EPHA5: variants seen among roughly 807,000 people sequenced by gnomAD.
EPHA5 encodes EPH receptor A5.
EPHA5 carries 60 observed loss-of-function variants against 105.0 expected under a neutral mutation model. The observed-to-expected ratio is 0.57, with a 90% CI of 0.46 to 0.71. The LOEUF (loss-of-function observed/expected upper bound fraction) is 0.71. Among genes scored for constraint, EPHA5 ranks in the 30% least tolerant of loss-of-function variants. EPHA5 has a pLI of 0.00. For synonymous variants in EPHA5, 513 were observed against 449.1 expected (o/e 1.14, Z -1.80); for missense variants, 1,218 against 1,274.7 (o/e 0.96, Z 0.68).
intron 15 of EPHA5, among the ~76,000 whole-genome samples, chr4:65,334,185 T>A (rs982386127): frequency 6.6e-6 from 1 of 151,972 alleles, no homozygotes; most frequent in Admixed American, 6.6e-5. Context: ...ATTGGCTTCA[T>A]AAAGGCAAAT....
At chr4:65,391,025 G>GACGTTTTTC (rs1202707046) in intron 8 of EPHA5, among the ~76,000 whole-genome samples, 3 of 151,998 alleles carry the variant, frequency 2.0e-5, no homozygotes, top group Non-Finnish European at 4.4e-5. Context: ...GGAAGCAAGG[G>GACGTTTTTC]ACGTTTTTCA....
intron 5 of EPHA5, among the ~76,000 whole-genome samples, chr4:65,447,504 A>AT (rs1028192841): frequency 3.3e-5 from 5 of 150,452 alleles, no homozygotes; most frequent in Non-Finnish European, 5.9e-5. Context: ...TAATATATAT[A>AT]TTTTTTCCTA....
At chr4:65,461,151 A>G (rs1379477909) in intron 5 of EPHA5, among the ~76,000 whole-genome samples, 1 of 151,918 alleles carries the variant, frequency 6.6e-6, no homozygotes, top group African/African-American at 2.4e-5. Flanking sequence ...AGCAATTAGC[A>G]ATAAGAGAGT....
At chr4:65,644,850 C>T (rs1220779611) in intron 1 of EPHA5, among the ~76,000 whole-genome samples, 1 of 151,588 alleles carries the variant, frequency 6.6e-6, no homozygotes, top group Non-Finnish European at 1.5e-5. Flanking sequence ...TAAATATTAC[C>T]TATATATACA....
chr4:65,323,788 T>C lies in EPHA5; in HGVS notation c.*326A>G, dbSNP rs567808922. On this transcript the variant is annotated 3_prime_UTR_variant, in exon 17 of 17. Transcript: ENST00000613740. ...TGAAAGGGGTTGCCTTAATTCAGTC[T>C]ATAAAAGTGCTATATAATTATATAT... The C allele has an allele frequency of 2.1e-4, 50 of 239,650 alleles. 1 individual carries two copies. In the South Asian group the frequency reaches 7.3e-3, roughly 35 times the overall value. 14.8% of individuals were successfully genotyped at this position (239,650 alleles called of 1,614,324 possible). A position where few individuals can be genotyped will look rare whatever the true frequency, so the allele number is the denominator to read the frequency against.
At chr4:65,630,072 C>CTA (rs1197119690) in intron 2 of EPHA5, among the ~76,000 whole-genome samples, 7 of 66,396 alleles carry the variant, frequency 1.1e-4, no homozygotes, top group Admixed American at 3.8e-4. Flanking sequence ...CACACACTCT[C>CTA]TCTCTCTCTC....
At chr4:65,573,804 T>C in intron 3 of EPHA5, 6 of 1,613,680 alleles carry the variant, frequency 3.7e-6, no homozygotes, top group Non-Finnish European at 5.1e-6. Flanking sequence ...GCCTAGATAT[T>C]ATCCTACTGA....
intron 2 of EPHA5, among the ~76,000 whole-genome samples, chr4:65,610,906 A>T (rs1025632936): frequency 2.0e-5 from 3 of 152,160 alleles, no homozygotes; most frequent in African/African-American, 7.2e-5. Flanking sequence ...GTAGCCTCCC[A>T]CTATGTATTT....
intron 12 of EPHA5, among the ~76,000 whole-genome samples, 155 bp from the exon 13 acceptor site, chr4:65,351,753 A>G (rs1023901020): frequency 4.6e-5 from 7 of 152,080 alleles, no homozygotes; most frequent in African/African-American, 1.7e-4. Context: ...TAGGAAGTAT[A>G]TGGCTAACTT....
intron 8 of EPHA5, among the ~76,000 whole-genome samples, chr4:65,370,330 C>G (rs933427767): frequency 6.6e-6 from 1 of 152,052 alleles, no homozygotes; most frequent in East Asian, 1.9e-4. Flanking sequence ...TTCTTTTAGC[C>G]TTTAATATAT....
chr4:65,617,400 C>A lies in EPHA5; in HGVS notation c.247-15096G>T, dbSNP rs74568130. Among the ~76,000 whole-genome samples, 401 of 152,104 alleles carry A rather than the reference C, an allele frequency of 2.6e-3. 2 individuals are homozygous for A. Among genetic ancestry groups the A allele is most frequent in the African/African-American group, 9.2e-3 (381 of 41,510 alleles). ...TCTAGGGAACTGGATATATTTAATA[C>A]CTGTTGGCTGAATTTATGCATGTAA... On this transcript the variant is annotated intron_variant, in intron 2 of 16. Coordinates refer to ENST00000613740, the MANE Select transcript of EPHA5 (RefSeq NM_001281766.3).
At chr4:65,591,320 A>G (rs1249770788) in intron 3 of EPHA5, among the ~76,000 whole-genome samples, 8 of 152,088 alleles carry the variant, frequency 5.3e-5, no homozygotes, top group East Asian at 3.9e-4. Context: ...TAGTATTAAC[A>G]TAACACCTCT....
intron 3 of EPHA5, among the ~76,000 whole-genome samples, chr4:65,501,815 A>G (rs574122829): frequency 6.6e-6 from 1 of 151,912 alleles, no homozygotes; most frequent in Non-Finnish European, 1.5e-5. Flanking sequence ...GCCAAAAGGA[A>G]CAAAGTGAGT....
intron 8 of EPHA5, among the ~76,000 whole-genome samples, chr4:65,390,489 G>A (rs1464443658): frequency 6.6e-6 from 1 of 151,862 alleles, no homozygotes; most frequent in African/African-American, 2.4e-5. Flanking sequence ...CCGTTTCTAG[G>A]ACCGGAGAGT....
chr4:65,549,520 AAG>A (rs1241552185), intron 3 of EPHA5, among the ~76,000 whole-genome samples: 5 of 149,438 alleles, frequency 3.3e-5, no homozygotes, highest in South Asian at 4.3e-4. Flanking sequence ...GGGTTTGGGA[AAG>A]AGTTACTGGT....
chr4:65,476,125 A>AGTGT (rs1472563369), intron 5 of EPHA5, among the ~76,000 whole-genome samples: 5,008 of 131,876 alleles, frequency 0.038, 83 homozygotes, highest in Middle Eastern at 0.1. Context: ...AGAGAGAGAG[A>AGTGT]GAGTGTGTGT....
At chr4:65,536,337 T>C (rs1736282729) in intron 3 of EPHA5, among the ~76,000 whole-genome samples, 1 of 151,996 alleles carries the variant, frequency 6.6e-6, no homozygotes, top group Non-Finnish European at 1.5e-5. Context: ...ATCGTTCCTT[T>C]ATTTAAACAT....
chr4:65,363,222 G>A (rs1235809076), intron 11 of EPHA5, among the ~76,000 whole-genome samples: 2 of 151,528 alleles, frequency 1.3e-5, no homozygotes, highest in East Asian at 3.9e-4. Context: ...TAGTAACTAT[G>A]TACTAAATAA....
intron 8 of EPHA5, among the ~76,000 whole-genome samples, chr4:65,372,464 A>G (rs62314065): frequency 2.0e-5 from 3 of 151,778 alleles, no homozygotes; most frequent in East Asian, 3.9e-4. Context: ...AAACTGTGTG[A>G]GTCATTTATA....
Sources: allele counts gnomAD v4.1 joint callset (sites outside exome capture counted in the v4.1 genomes callset), GRCh38; gene constraint gnomAD v4.1.1; transcripts MANE v1.5; gene names NCBI Gene and HGNC (gene_info 2026-07-23, HGNC 2026-07-21).